The following PCDH15 variants were observed in gnomAD, a reference collection of about 807,000 sequenced individuals.
PCDH15 encodes protocadherin-15.
A neutral mutation model predicts 178.5 loss-of-function variants in PCDH15; 129 were observed. The ratio of observed to expected loss-of-function variants is 0.72; its 90% CI spans 0.63 to 0.84. The LOEUF is 0.84. Ranked by LOEUF, PCDH15 falls within the 40% of genes least tolerant of loss-of-function variation. The pLI, the probability that PCDH15 is intolerant of heterozygous loss-of-function variation, is 0.00. For missense variants in PCDH15, 2,230 were observed against 2,099.9 expected (o/e 1.06, Z -1.21); for synonymous variants, 800 against 732.0 (o/e 1.09, Z -1.50).
chr10:55,030,633 A>C (rs1056325666), intron 2 of PCDH15, among the ~76,000 whole-genome samples: 2 of 152,198 alleles, frequency 1.3e-5, no homozygotes, highest in Non-Finnish European at 2.9e-5. Flanking sequence ...TTTAAACTAA[A>C]CCATCAAATT....
At chr10:55,341,787 ATATATATATATATATATATTTTTTTT>A (rs1844578197) in intron 2 of PCDH15, among the ~76,000 whole-genome samples, 8 of 54,878 alleles carry the variant, frequency 1.5e-4, no homozygotes, top group African/African-American at 7.5e-4. Context: ...ATATATATAT[ATATATATATATATATATATTTTTTTT>A]TTTTTTTTTT....
chr10:53,831,582 G>C, intron 29 of PCDH15, 49 bp from the exon 30 acceptor site: 1 of 1,329,818 alleles, frequency 7.5e-7, no homozygotes, highest in Non-Finnish European at 1.1e-6. Context: ...CAGAGAAAGA[G>C]CATTTTAAAA....
intron 3 of PCDH15, among the ~76,000 whole-genome samples, chr10:54,439,637 T>C (rs1285916756): frequency 2.6e-5 from 4 of 152,082 alleles, no homozygotes; most frequent in Admixed American, 6.6e-5. Context: ...ATGGATGCTG[T>C]AGCTGTTCTT....
intron 14 of PCDH15, among the ~76,000 whole-genome samples, chr10:54,138,309 C>A (rs2043072935): frequency 6.6e-6 from 1 of 151,898 alleles, no homozygotes; most frequent in South Asian, 2.1e-4. Flanking sequence ...ATTGGCTCCT[C>A]TCAATTTGAG....
Position 53,810,630 on chromosome 10 carries a change from A to G in PCDH15, c.4597T>C (p.Leu1533=). Residue 1533 remains leucine, a synonymous_variant, in exon 37 of 38, where the codon TTG becomes CTG. Coordinates refer to ENST00000644397, the MANE Select transcript of PCDH15 (RefSeq NM_001384140.1). The part of the protein sequence containing the change: ...EMPQYGSRRR[L]LPPAGQEEYG... ...TCCTCCTGTCCAGCTGGTGGTAACA[A>G]TCGACGGCGACTCCCATATTGAGGC... 1 of 1,613,798 alleles carries G rather than the reference A, an allele frequency of 6.2e-7. No individual in the cohort carries two copies. Among genetic ancestry groups the G allele is most frequent in the Non-Finnish European group, 8.5e-7 (1 of 1,179,786 alleles).
At chr10:54,440,499 T>C (rs764122098) in intron 3 of PCDH15, among the ~76,000 whole-genome samples, 3 of 152,002 alleles carry the variant, frequency 2.0e-5, no homozygotes, top group Non-Finnish European at 2.9e-5. Context: ...GGATTCTAGA[T>C]ACATTTATTT....
chr10:55,145,199 T>C (rs1184540037), intron 2 of PCDH15, among the ~76,000 whole-genome samples: 2 of 152,076 alleles, frequency 1.3e-5, no homozygotes, highest in South Asian at 4.1e-4. Context: ...CAGTTCCCCA[T>C]ACACCATCTA....
intron 3 of PCDH15, among the ~76,000 whole-genome samples, chr10:54,822,657 T>A (rs1953065500): frequency 6.6e-6 from 1 of 152,068 alleles, no homozygotes; most frequent in Admixed American, 6.6e-5. Flanking sequence ...ACCAAGCTTC[T>A]GGATTGCTGG....
chr10:55,363,159 A>C (rs1202173468), intron 2 of PCDH15, among the ~76,000 whole-genome samples: 2 of 152,114 alleles, frequency 1.3e-5, no homozygotes, highest in African/African-American at 4.8e-5. Context: ...TTTCCTAGAG[A>C]CCTATCCAAG....
At chr10:55,213,958 A>T (rs116449786) in intron 1 of PCDH15, among the ~76,000 whole-genome samples, 1,810 of 151,968 alleles carry the variant, frequency 0.012, 43 homozygotes, top group African/African-American at 0.041. Context: ...GCATTTTGAT[A>T]TGTGATGTTA....
At chr10:53,954,033 G>A (rs1223685864) in intron 23 of PCDH15, among the ~76,000 whole-genome samples, 3 of 152,060 alleles carry the variant, frequency 2.0e-5, no homozygotes, top group South Asian at 4.1e-4. Flanking sequence ...CTCGTGATCC[G>A]CCCATCTAGG....
At chr10:55,386,938 G>C (rs1293196941) in intron 2 of PCDH15, among the ~76,000 whole-genome samples, 2 of 152,040 alleles carry the variant, frequency 1.3e-5, no homozygotes, top group Admixed American at 6.6e-5. Context: ...TGGTGTAAAA[G>C]AGAAACATGG....
At chr10:54,009,296 TA>T (rs1456689984) in intron 20 of PCDH15, among the ~76,000 whole-genome samples, 1 of 150,850 alleles carries the variant, frequency 6.6e-6, no homozygotes, top group Non-Finnish European at 1.5e-5. Context: ...ACGGAATAAT[TA>T]AGTATATAGA....
rs11003863 is a variant in PCDH15 at position 53,809,212 on chromosome 10, T to G, written c.4671+1344A>C. 0.2 allele frequency: 316,886 copies of G among 1,613,746 alleles called. 40,912 individuals carry two copies. The highest frequency in any genetic ancestry group is 0.74 in the East Asian group (32,990 of 44,834). ...AGTCTCAGACTCACTGAACTCAGAC[T>G]CTTCTTCACTGTATTCAGTATAGTC... On this transcript the variant is annotated intron_variant, in intron 37 of 37. Coordinates refer to ENST00000644397, the MANE Select transcript of PCDH15 (RefSeq NM_001384140.1).
At chr10:55,195,306 A>G (rs1407569962) in intron 1 of PCDH15, among the ~76,000 whole-genome samples, 1 of 151,626 alleles carries the variant, frequency 6.6e-6, no homozygotes, top group African/African-American at 2.4e-5. Context: ...TACAGGCATG[A>G]GCCACTGCGC....
chr10:54,319,791 A>C (rs1027178111), intron 7 of PCDH15, among the ~76,000 whole-genome samples: 1 of 151,968 alleles, frequency 6.6e-6, no homozygotes, highest in Non-Finnish European at 1.5e-5. Context: ...CCAATTAAAA[A>C]AAAAGTCCCT....
intron 15 of PCDH15, among the ~76,000 whole-genome samples, chr10:54,115,505 C>A (rs1325876923): frequency 6.6e-6 from 1 of 152,208 alleles, no homozygotes; most frequent in Non-Finnish European, 1.5e-5. Context: ...AATGCCTCAT[C>A]TGAGGAAAGC....
chr10:54,081,801 G>C (rs1009498072), intron 16 of PCDH15, among the ~76,000 whole-genome samples: 1 of 152,044 alleles, frequency 6.6e-6, no homozygotes, highest in Non-Finnish European at 1.5e-5. Context: ...ACTTATACAG[G>C]ATTGAAAATA....
At chr10:54,470,347 G>A (rs1435473999) in intron 3 of PCDH15, among the ~76,000 whole-genome samples, 1 of 152,176 alleles carries the variant, frequency 6.6e-6, no homozygotes, top group Non-Finnish European at 1.5e-5. Flanking sequence ...GTCACTGTCA[G>A]TGCCTCATGC....
Sources: allele counts gnomAD v4.1 joint callset (sites outside exome capture counted in the v4.1 genomes callset), GRCh38; gene constraint gnomAD v4.1.1; transcripts MANE v1.5; gene names NCBI Gene and HGNC (gene_info 2026-07-23, HGNC 2026-07-21).